The following TTC28 variants were observed in gnomAD, a reference collection of about 807,000 sequenced individuals.
TTC28 encodes tetratricopeptide repeat domain 28.
A neutral mutation model predicts 198.0 loss-of-function variants in TTC28; 61 were observed. The observed-to-expected ratio is 0.31, with a 90% CI of 0.25 to 0.38. The LOEUF (loss-of-function observed/expected upper bound fraction) is 0.38, where lower values mean the gene tolerates loss of function less well. TTC28 is among the 10% of genes least tolerant of loss of function. The probability of loss-of-function intolerance (pLI) is 1.00; values close to 1 mark genes in which losing one functional copy is unlikely to be tolerated. For synonymous variants in TTC28, 1,171 were observed against 1,297.8 expected, an observed-to-expected ratio of 0.90 and a Z score of 2.10; for missense variants, 2,678 against 3,164.0, an observed-to-expected ratio of 0.85 and a Z score of 3.69.
At chr22:28,105,845 A>G (rs1331015719) in intron 7 of TTC28, 43 bp from the exon 8 acceptor site, 2 of 1,498,722 alleles carry the variant, frequency 1.3e-6, no homozygotes, top group Non-Finnish European at 1.8e-6. Context: ...TATTTCATGC[A>G]GGTGCAGACA....
intron 2 of TTC28, among the ~76,000 whole-genome samples, chr22:28,555,703 G>C (rs2049775244): frequency 6.6e-6 from 1 of 152,066 alleles, no homozygotes; most frequent in African/African-American, 2.4e-5. Flanking sequence ...GAAAGGGTGG[G>C]GGGTGCTGAG....
chr22:27,991,095 C>T (rs1937387980), intron 19 of TTC28, among the ~76,000 whole-genome samples: 1 of 152,024 alleles, frequency 6.6e-6, no homozygotes, highest in Non-Finnish European at 1.5e-5. Flanking sequence ...AAGAGCACAG[C>T]GGGCGTTTGT....
At chr22:28,001,239 G>A (rs1166201933) in intron 15 of TTC28, 135 bp downstream of exon 15, 12 of 1,169,326 alleles carry the variant, frequency 1.0e-5, no homozygotes, top group East Asian at 5.2e-5. Context: ...CGCTACCTGC[G>A]TGCAAATCAT....
Position 28,005,747 on chromosome 22 carries a change from G to C in TTC28, c.4219-4194C>G, listed in dbSNP as rs1392746828. On this transcript the variant is annotated intron_variant, in intron 14 of 22. Transcript: ENST00000397906. This position sits in a 1 kb window ranked among gnomAD's most constrained non-coding sequence, Gnocchi z 4.9. ...TCCCTGGCACCTATCACCGCTGGAA[G>C]CTGATGGCTGCTCTCCTGCCCACAC... is the stretch of plus-strand genomic sequence containing the variant. Among the ~76,000 whole-genome samples, 1 of 152,222 alleles carries C rather than the reference G, an allele frequency of 6.6e-6. No individual in the cohort carries two copies. The highest frequency in any genetic ancestry group is 2.4e-5 in the African/African-American group (1 of 41,462).
At chr22:28,352,272 T>A (rs967624334) in intron 2 of TTC28, among the ~76,000 whole-genome samples, 2 of 149,656 alleles carry the variant, frequency 1.3e-5, no homozygotes, top group Admixed American at 6.7e-5. Flanking sequence ...AGAACCTGAT[T>A]AATCGAAAAT....
chr22:28,676,200 T>C (rs2051986781), intron 1 of TTC28, among the ~76,000 whole-genome samples: 1 of 152,222 alleles, frequency 6.6e-6, no homozygotes, highest in South Asian at 2.1e-4. Flanking sequence ...AGTGCTGATA[T>C]ACGCTACAGC....
chr22:28,466,676 T>A (rs1022803909), intron 2 of TTC28, among the ~76,000 whole-genome samples: 2 of 152,200 alleles, frequency 1.3e-5, no homozygotes, highest in African/African-American at 4.8e-5. Flanking sequence ...CATATACTCG[T>A]GGGTCAACAC....
At chr22:28,401,455 A>C (rs2046908018) in intron 2 of TTC28, among the ~76,000 whole-genome samples, 1 of 152,022 alleles carries the variant, frequency 6.6e-6, no homozygotes, top group Non-Finnish European at 1.5e-5. Flanking sequence ...ATCTCTACTA[A>C]AAATACAAAA....
intron 2 of TTC28, among the ~76,000 whole-genome samples, chr22:28,492,074 C>T (rs1037553938): frequency 2.7e-5 from 4 of 148,728 alleles, no homozygotes; most frequent in African/African-American, 9.9e-5. Flanking sequence ...AACACATGGA[C>T]ACAGGAAGGG....
chr22:28,543,163 C>A (rs1422906492), intron 2 of TTC28, among the ~76,000 whole-genome samples: 1 of 152,040 alleles, frequency 6.6e-6, no homozygotes, highest in Non-Finnish European at 1.5e-5. Context: ...AGCAAGACCC[C>A]ATCTCTACAA....
At chr22:28,216,724 G>C (rs1175671025) in intron 5 of TTC28, among the ~76,000 whole-genome samples, 1 of 151,778 alleles carries the variant, frequency 6.6e-6, no homozygotes, top group East Asian at 1.9e-4. Context: ...TTTTTAGTTT[G>C]AAAAAAAATT....
At position 28,469,191 on chromosome 22, in the gene TTC28, C is replaced by G. The variant is rs553593148; in HGVS notation, c.381+160361G>C. Among the ~76,000 whole-genome samples the G allele has an allele frequency of 1.5e-4, 23 of 152,252 alleles. No individual in the cohort carries two copies. In the East Asian group the frequency reaches 3.7e-3, roughly 24 times the overall value. ...GACTACCTCTTGTGGGAATCTGGAACTGATAATCAACCATCTTGTTAGTCC... is the reference window on the plus strand; with the variant it reads ...GACTACCTCTTGTGGGAATCTGGAAGTGATAATCAACCATCTTGTTAGTCC... On this transcript the variant is annotated intron_variant, in intron 2 of 22. Transcript: ENST00000397906.
At chr22:28,568,678 A>G (rs2050016759) in intron 2 of TTC28, among the ~76,000 whole-genome samples, 1 of 152,248 alleles carries the variant, frequency 6.6e-6, no homozygotes, top group Non-Finnish European at 1.5e-5. Context: ...TGAGAATGAC[A>G]AAACATGCTG....
chr22:28,434,648 AAC>A (rs1316203282), intron 2 of TTC28, among the ~76,000 whole-genome samples: 1 of 152,216 alleles, frequency 6.6e-6, no homozygotes, highest in Non-Finnish European at 1.5e-5. Context: ...TCAAAAAAAC[AAC>A]AGTCTTACTT....
rs774233407 is a variant in TTC28, at chr22:27,983,099, T to C, written c.6568A>G (p.Ser2190Gly). Residue 2190 changes from serine (S) to glycine (G), a missense_variant, in exon 23 of 23, where the codon AGT (serine) becomes GGT (glycine). By Grantham distance (56) the Ser-to-Gly change is moderately conservative. Coordinates refer to ENST00000397906, the MANE Select transcript of TTC28 (RefSeq NM_001145418.2). ...LQRSGGQVSK[S>G]NNPEDGVQAP... ...TGAACGCCGTCTTCAGGGTTATTAC[T>C]CTTGCTCACCTGGCCGCCGCTCCTC... 6.4e-7 allele frequency: 1 copy of C among 1,551,732 alleles called. No homozygotes were observed. The highest frequency in any genetic ancestry group is 1.4e-5 in the African/African-American group (1 of 73,178).
At chr22:28,131,113 T>C (rs776119635) in intron 6 of TTC28, among the ~76,000 whole-genome samples, 18 of 152,344 alleles carry the variant, frequency 1.2e-4, no homozygotes, top group Non-Finnish European at 2.4e-4. Context: ...GTGGTGGAGA[T>C]GTTCAGGCAA....
chr22:28,101,215 G>A lies in TTC28; in HGVS notation c.3373C>T (p.Leu1125Phe). The A allele has an allele frequency of 1.3e-6, 2 of 1,551,690 alleles. No individual in the cohort carries two copies. The highest frequency in any genetic ancestry group is 1.2e-5 in the South Asian group (1 of 84,002). Residue 1125 changes from leucine to phenylalanine, a missense_variant, in exon 9 of 23, where the codon CTC becomes TTC. Leu to Phe is a conservative substitution (Grantham distance 22). This residue lies in a region of TTC28 where 727 missense variants were observed against 861.9 expected (regional missense o/e 0.84). Coordinates refer to ENST00000397906, the MANE Select transcript of TTC28 (RefSeq NM_001145418.2). ...AAGTTTCCACTAGCCCAAAGGGAGAGGCCAAGGCCATGGCGAATTTTTGCC... is the reference window on the plus strand; with the variant it reads ...AAGTTTCCACTAGCCCAAAGGGAGAAGCCAAGGCCATGGCGAATTTTTGCC... ...DEAKIRHGLG[L>F]SLWASGNLEE...
chr22:28,584,858 A>T (rs755965499), intron 2 of TTC28, among the ~76,000 whole-genome samples: 12 of 152,206 alleles, frequency 7.9e-5, no homozygotes, highest in Non-Finnish European at 1.2e-4. Context: ...AAAATAAACG[A>T]TGAAGTTCTG....
intron 2 of TTC28, among the ~76,000 whole-genome samples, chr22:28,463,712 TGAG>T (rs2047981005): frequency 6.8e-6 from 1 of 147,782 alleles, no homozygotes; most frequent in Admixed American, 6.8e-5. Flanking sequence ...TATTGAACAA[TGAG>T]GACACTTGGA....
Sources: gnomAD v4.1 joint callset for allele counts (sites outside exome capture counted in the v4.1 genomes callset) on GRCh38, gnomAD v4.1.1 for gene constraint, gnomAD v4.1.1 regional missense constraint, Gnocchi (gnomAD v3.1) non-coding constraint, MANE v1.5 for transcripts, NCBI Gene and HGNC (gene_info 2026-07-23, HGNC 2026-07-21) for gene names.